The following VSTM4 variants were observed in gnomAD, a reference collection of about 807,000 sequenced individuals.
The protein encoded by VSTM4 is V-set and transmembrane domain containing 4.
Under a neutral mutation model 36.4 loss-of-function variants are expected in VSTM4, and 20 were observed. The ratio of observed to expected loss-of-function variants is 0.55; its 90% CI spans 0.39 to 0.80. VSTM4 has a LOEUF of 0.80. Among genes scored for constraint, VSTM4 ranks in the 30% least tolerant of loss-of-function variants. VSTM4 has a pLI of 0.00. For synonymous variants in VSTM4, 182 were observed against 173.9 expected, an observed-to-expected ratio of 1.05 and a Z score of -0.37; for missense variants, 392 against 404.5, an observed-to-expected ratio of 0.97 and a Z score of 0.26.
intron 7 of VSTM4, among the ~76,000 whole-genome samples, chr10:49,022,900 C>G (rs1843203350): frequency 6.6e-6 from 1 of 152,138 alleles, no homozygotes; most frequent in Non-Finnish European, 1.5e-5. Context: ...AAAAATAACA[C>G]TAGCTCTTTC....
intron 5 of VSTM4, among the ~76,000 whole-genome samples, chr10:49,057,007 G>A (rs1408897163): frequency 6.6e-6 from 1 of 151,890 alleles, no homozygotes; most frequent in East Asian, 1.9e-4. Context: ...GGCGAGAGGG[G>A]GGCAAGAGAA....
intron 3 of VSTM4, among the ~76,000 whole-genome samples, chr10:49,085,243 T>C (rs952918489): frequency 6.6e-6 from 1 of 152,262 alleles, no homozygotes; most frequent in African/African-American, 2.4e-5. Context: ...GGAACCACTG[T>C]TCCAAGGCCA....
intron 2 of VSTM4, among the ~76,000 whole-genome samples, chr10:49,090,035 G>C (rs1371343903): frequency 2.0e-5 from 3 of 152,224 alleles, no homozygotes; most frequent in Non-Finnish European, 4.4e-5. Context: ...GGCCCCAGCA[G>C]GGTAGATGGG....
At chr10:49,086,063 A>G (rs918919069) in intron 2 of VSTM4, 40 bp from the exon 3 acceptor site, 3 of 1,357,756 alleles carry the variant, frequency 2.2e-6, no homozygotes, top group Non-Finnish European at 1.0e-6. Context: ...TGAAAAAATA[A>G]TGCCACATGG....
At chr10:49,084,276 A>G (rs1844331842) in intron 3 of VSTM4, among the ~76,000 whole-genome samples, 1 of 152,244 alleles carries the variant, frequency 6.6e-6, no homozygotes, top group Admixed American at 6.5e-5. Context: ...CAGTCATCAA[A>G]TAAAGAAAAA....
intron 4 of VSTM4, among the ~76,000 whole-genome samples, chr10:49,075,199 T>C (rs35341824): frequency 0.37 from 56,639 of 152,176 alleles, 11,728 homozygotes; most frequent in African/African-American, 0.56. Flanking sequence ...GCCAGGTGCT[T>C]GCACATGTCC....
At chr10:49,047,516 T>C (rs908264246) in intron 6 of VSTM4, among the ~76,000 whole-genome samples, 79 of 152,154 alleles carry the variant, frequency 5.2e-4, no homozygotes, top group African/African-American at 1.9e-3. Context: ...CTTGAACCAT[T>C]TAGGATTTGA....
At position 49,015,893 on chromosome 10, in the gene VSTM4, C is replaced by A. The variant is rs1182653583; in HGVS notation, c.*3757G>T. ...TTGGTGCCAGTGCCCCTCAGTCCTC[C>A]TCTGGTCCTGTTGGTGTCCCTCTCC... On this transcript the variant is annotated 3_prime_UTR_variant, in exon 8 of 8. Coordinates refer to ENST00000332853, the MANE Select transcript of VSTM4 (RefSeq NM_001031746.5). 1 of 152,376 alleles carries A rather than the reference C, an allele frequency of 6.6e-6. No individual in the cohort carries two copies. Among genetic ancestry groups the A allele is most frequent in the Admixed American group, 6.5e-5 (1 of 15,292 alleles). The allele number at this position is 152,376 out of a possible 1,614,324, so 9.4% of individuals were successfully genotyped here. A position where few individuals can be genotyped will look rare whatever the true frequency, so the allele number is the denominator to read the frequency against.
At chr10:49,070,964 G>A (rs1342363482) in intron 4 of VSTM4, among the ~76,000 whole-genome samples, 1 of 152,220 alleles carries the variant, frequency 6.6e-6, no homozygotes, top group Non-Finnish European at 1.5e-5. Flanking sequence ...ACCCGAGTCT[G>A]GCTGTGGGTG....
At chr10:49,112,354 A>G (rs1013634734) in intron 1 of VSTM4, among the ~76,000 whole-genome samples, 1 of 152,228 alleles carries the variant, frequency 6.6e-6, no homozygotes, top group African/African-American at 2.4e-5. Flanking sequence ...TTGCAGAGAA[A>G]CGATGAGACA....
At chr10:49,106,939 A>G (rs573557177) in intron 2 of VSTM4, among the ~76,000 whole-genome samples, 44 of 152,258 alleles carry the variant, frequency 2.9e-4, no homozygotes, top group African/African-American at 8.9e-4. Context: ...TGCCAAAAGC[A>G]TTTACTGCTT....
At chr10:49,031,166 T>A (rs568360007) in intron 7 of VSTM4, among the ~76,000 whole-genome samples, 20 of 152,338 alleles carry the variant, frequency 1.3e-4, no homozygotes, top group Middle Eastern at 6.8e-3. Flanking sequence ...AATATTCTGA[T>A]CAACTGCAAT....
intron 7 of VSTM4, among the ~76,000 whole-genome samples, chr10:49,021,883 A>C (rs929902362): frequency 2.6e-5 from 4 of 152,124 alleles, no homozygotes; most frequent in Non-Finnish European, 5.9e-5. Context: ...TTTATATTTC[A>C]CTATCATATC....
intron 2 of VSTM4, among the ~76,000 whole-genome samples, chr10:49,095,965 A>T (rs1016995610): frequency 4.6e-5 from 7 of 152,146 alleles, no homozygotes; most frequent in African/African-American, 1.7e-4. Flanking sequence ...CTCTTCCAAG[A>T]CCATGGCAGT....
chr10:49,054,010 C>T (rs1393815743), intron 5 of VSTM4, among the ~76,000 whole-genome samples: 1 of 152,212 alleles, frequency 6.6e-6, no homozygotes, highest in Non-Finnish European at 1.5e-5. Context: ...ATGTTTGTGT[C>T]CATCCTATGC....
Position 49,105,841 on chromosome 10 carries a change from G to GTATA in VSTM4, c.457+1749_457+1752dup, listed in dbSNP as rs34327380. 8.4e-3 allele frequency among the ~76,000 whole-genome samples: 1,252 copies of GTATA among 149,438 alleles called. 14 individuals carry two copies. The highest frequency in any genetic ancestry group is 0.026 in the African/African-American group (1,071 of 40,688). On this transcript the variant is annotated intron_variant, in intron 2 of 7. Transcript: ENST00000332853. ...ATACACACGTATCATATGTGTGTGT[G>GTATA]TATATATATATATATATCTTGTGTG...
At chr10:49,037,892 A>G (rs1387988329) in intron 7 of VSTM4, among the ~76,000 whole-genome samples, 1 of 152,030 alleles carries the variant, frequency 6.6e-6, no homozygotes, top group East Asian at 1.9e-4. Flanking sequence ...GCAAATCAAA[A>G]CCACAATGAG....
At chr10:49,085,638 TAAG>T (rs1844356666) in intron 3 of VSTM4, among the ~76,000 whole-genome samples, 2 of 152,160 alleles carry the variant, frequency 1.3e-5, no homozygotes, top group Non-Finnish European at 2.9e-5. Flanking sequence ...TCACTTTGAG[TAAG>T]TTTAGACCAA....
Position 49,049,689 on chromosome 10 carries a change from T to C in VSTM4, c.669-1105A>G, listed in dbSNP as rs1590086469. The stretch of plus-strand genomic sequence containing the variant: ...GTTTTTACACATAAGGAAAGACTCA[T>C]TTACACATGAAAACATGCTAAAGCT... On this transcript the variant is annotated intron_variant, in intron 5 of 7. Coordinates refer to ENST00000332853, the MANE Select transcript of VSTM4 (RefSeq NM_001031746.5). 8.6e-5 allele frequency among the ~76,000 whole-genome samples: 13 copies of C among 151,898 alleles called. No homozygotes were observed. In the South Asian group the frequency reaches 2.7e-3, roughly 32 times the overall value.
Sources: allele counts gnomAD v4.1 joint callset (sites outside exome capture counted in the v4.1 genomes callset), GRCh38; gene constraint gnomAD v4.1.1; transcripts MANE v1.5; gene names NCBI Gene and HGNC (gene_info 2026-07-23, HGNC 2026-07-21).